The following DIP2B variants were observed in gnomAD, a reference collection of about 807,000 sequenced individuals.
The protein encoded by DIP2B is DIP2 acetate--CoA ligase B (putative), also known as disco-interacting protein 2 homolog B.
Under a neutral mutation model 198.0 loss-of-function variants are expected in DIP2B, and 76 were observed. The ratio of observed to expected loss-of-function variants is 0.38; its 90% CI spans 0.32 to 0.46. DIP2B has a LOEUF of 0.46. Ranked by LOEUF, DIP2B falls within the 20% of genes least tolerant of loss-of-function variation. The pLI, the probability that DIP2B is intolerant of heterozygous loss-of-function variation, is 0.99. For missense variants in DIP2B, 1,559 were observed against 1,978.4 expected, an observed-to-expected ratio of 0.79 and a Z score of 4.02; for synonymous variants, 701 against 739.1, an observed-to-expected ratio of 0.95 and a Z score of 0.84.
intron 21 of DIP2B, 112 bp from the exon 22 acceptor site, chr12:50,708,336 A>G: frequency 1.2e-6 from 1 of 804,804 alleles, no homozygotes; most frequent in Non-Finnish European, 2.0e-6. Context: ...TTTCTAAGCT[A>G]CTCGTTTTGG....
intron 3 of DIP2B, 94 bp from the exon 4 acceptor site, chr12:50,660,100 T>A: frequency 8.1e-7 from 1 of 1,240,374 alleles, no homozygotes; most frequent in Non-Finnish European, 1.0e-6. Flanking sequence ...CTTTTTTTTT[T>A]TTTTTAAACA....
chr12:50,596,547 A>G (rs1209620285), intron 1 of DIP2B, among the ~76,000 whole-genome samples: 2 of 152,196 alleles, frequency 1.3e-5, no homozygotes, highest in African/African-American at 4.8e-5. Context: ...CCTAAAAGAG[A>G]CAGTTTTCAA....
At chr12:50,537,370 G>A (rs1015487643) in intron 1 of DIP2B, among the ~76,000 whole-genome samples, 4 of 151,956 alleles carry the variant, frequency 2.6e-5, no homozygotes, top group South Asian at 2.1e-4. Flanking sequence ...GAAGGAAATC[G>A]GTAGGATGTG....
intron 1 of DIP2B, among the ~76,000 whole-genome samples, chr12:50,553,558 G>A (rs1444691432): frequency 6.6e-6 from 1 of 152,192 alleles, no homozygotes; most frequent in East Asian, 1.9e-4. Context: ...GGCACTAACA[G>A]TTTTGTCTAA....
intron 1 of DIP2B, among the ~76,000 whole-genome samples, chr12:50,505,673 A>G (rs1218043837): frequency 6.6e-6 from 1 of 151,812 alleles, no homozygotes; most frequent in African/African-American, 2.4e-5. Flanking sequence ...TCCCCCTTTC[A>G]AAAAGAGACA....
At chr12:50,624,178 T>G (rs930023270) in intron 1 of DIP2B, among the ~76,000 whole-genome samples, 1 of 152,216 alleles carries the variant, frequency 6.6e-6, no homozygotes, top group Admixed American at 6.5e-5. Context: ...TATATCCCAA[T>G]GATTCCAAAT....
chr12:50,647,935 G>A (rs998073983), intron 3 of DIP2B, among the ~76,000 whole-genome samples: 11 of 151,964 alleles, frequency 7.2e-5, no homozygotes, highest in African/African-American at 1.9e-4. Flanking sequence ...ACCAAACCCC[G>A]TCTCTACTAA....
chr12:50,720,563 C>T (rs1939817434), intron 25 of DIP2B, among the ~76,000 whole-genome samples: 1 of 152,148 alleles, frequency 6.6e-6, no homozygotes, highest in East Asian at 1.9e-4. Context: ...TCTTGTTCCA[C>T]CTCTGCATGA....
At chr12:50,544,355 G>A (rs964512129) in intron 1 of DIP2B, among the ~76,000 whole-genome samples, 1 of 152,192 alleles carries the variant, frequency 6.6e-6, no homozygotes, top group African/African-American at 2.4e-5. Flanking sequence ...CACTAGGGCT[G>A]GAGTGCAGTA....
chr12:50,701,033 T>G (rs1337449545), intron 19 of DIP2B, among the ~76,000 whole-genome samples: 1 of 152,160 alleles, frequency 6.6e-6, no homozygotes, highest in Non-Finnish European at 1.5e-5. Context: ...TGACTTTTCC[T>G]TACTAAAAAC....
chr12:50,591,567 G>C (rs1016599458), intron 1 of DIP2B, among the ~76,000 whole-genome samples: 8 of 150,814 alleles, frequency 5.3e-5, no homozygotes, highest in Admixed American at 2.0e-4. Flanking sequence ...CCTCCTGAGT[G>C]TATCCTACAA....
chr12:50,701,130 T>A (rs1203091803), intron 19 of DIP2B, among the ~76,000 whole-genome samples: 1 of 152,258 alleles, frequency 6.6e-6, no homozygotes, highest in Non-Finnish European at 1.5e-5. Context: ...ATTCTCAGAC[T>A]TAATACCAAA....
intron 1 of DIP2B, among the ~76,000 whole-genome samples, chr12:50,547,448 T>C (rs1024844533): frequency 6.6e-6 from 1 of 152,160 alleles, no homozygotes; most frequent in Non-Finnish European, 1.5e-5. Flanking sequence ...GGTAAAAACA[T>C]ATGTAGAGAG....
chr12:50,520,035 C>CTTTTTTTTTTT (rs35179881), intron 1 of DIP2B, among the ~76,000 whole-genome samples: 1 of 100,560 alleles, frequency 9.9e-6, no homozygotes, highest in Non-Finnish European at 1.9e-5. Context: ...ATTGAATCTC[C>CTTTTTTTTTTT]TTTTTTTTTT....
At chr12:50,712,308 A>C (rs2250752) in intron 22 of DIP2B, among the ~76,000 whole-genome samples, 41,246 of 152,158 alleles carry the variant, frequency 0.27, 6,359 homozygotes, top group Non-Finnish European at 0.35. Context: ...TAGTATTAAC[A>C]GTTGGTCAGT....
chr12:50,518,880 A>G (rs935030567), intron 1 of DIP2B, among the ~76,000 whole-genome samples: 3 of 152,190 alleles, frequency 2.0e-5, no homozygotes, highest in Non-Finnish European at 4.4e-5. Flanking sequence ...AGCTGGGATT[A>G]CAGGTCCATG....
intron 7 of DIP2B, 119 bp downstream of exon 7, chr12:50,675,567 T>C: frequency 1.1e-6 from 1 of 948,634 alleles, no homozygotes; most frequent in East Asian, 2.7e-5. Flanking sequence ...GTTCAAAGAG[T>C]TCATCATTTT....
chr12:50,562,314 G>T (rs1483031373), intron 1 of DIP2B, among the ~76,000 whole-genome samples: 1 of 151,896 alleles, frequency 6.6e-6, no homozygotes, highest in Non-Finnish European at 1.5e-5. Context: ...AAGAGGGGAG[G>T]TTATTTAGGT....
At chr12:50,602,495 G>A (rs1958945667) in intron 1 of DIP2B, among the ~76,000 whole-genome samples, 1 of 152,114 alleles carries the variant, frequency 6.6e-6, no homozygotes, top group Admixed American at 6.6e-5. Flanking sequence ...GAGCTCAAGT[G>A]ATCCACCCAC....
Sources: gnomAD v4.1 joint callset for allele counts (sites outside exome capture counted in the v4.1 genomes callset) on GRCh38, gnomAD v4.1.1 for gene constraint, MANE v1.5 for transcripts, NCBI Gene and HGNC (gene_info 2026-07-23, HGNC 2026-07-21) for gene names.